Variants in PTPRZ1 observed in about 807,000 individuals in gnomAD.
The protein encoded by PTPRZ1 is protein tyrosine phosphatase receptor type Z1, also known as receptor-type tyrosine-protein phosphatase zeta.
Under a neutral mutation model 214.1 loss-of-function variants are expected in PTPRZ1, and 82 were observed. The observed-to-expected ratio is 0.38, with a 90% CI of 0.32 to 0.46. The LOEUF is 0.46. Among genes scored for constraint, PTPRZ1 ranks in the 20% least tolerant of loss-of-function variants. PTPRZ1 has a pLI of 1.00. For missense variants in PTPRZ1, 2,603 were observed against 2,748.7 expected, an observed-to-expected ratio of 0.95 and a Z score of 1.19; for synonymous variants, 945 against 987.9, an observed-to-expected ratio of 0.96 and a Z score of 0.81.
chr7:121,999,348 A>C (rs988884258), intron 10 of PTPRZ1, among the ~76,000 whole-genome samples: 2 of 152,194 alleles, frequency 1.3e-5, no homozygotes, highest in South Asian at 2.1e-4. Context: ...GTAACTGACC[A>C]TGATTTTAAC....
intron 2 of PTPRZ1, among the ~76,000 whole-genome samples, chr7:121,949,231 A>G (rs1466829056): frequency 1.3e-5 from 2 of 152,182 alleles, no homozygotes; most frequent in East Asian, 3.9e-4. Context: ...AGCCTCCCCA[A>G]AGGAGACAAT....
chr7:122,031,495 T>C lies in PTPRZ1; in HGVS notation c.5102T>C (p.Ile1701Thr), dbSNP rs141147829. Reference protein sequence around the residue: ...PISDDVGAIPIKHFPKHVADL... With the variant: ...PISDDVGAIPTKHFPKHVADL... Reference sequence around the variant, plus strand: ...GTAGATGATGTCGGAGCAATTCCAATAAAGCACTTTCCAAAGCATGTTGCA... The same window carrying C: ...GTAGATGATGTCGGAGCAATTCCAACAAAGCACTTTCCAAAGCATGTTGCA... The change falls in exon 15 of 30, where the codon ATA (isoleucine) becomes ACA (threonine). Residue 1701 changes from isoleucine to threonine, a missense_variant. By Grantham distance (89) the Ile-to-Thr change is moderately conservative. Coordinates refer to ENST00000393386, the MANE Select transcript of PTPRZ1 (RefSeq NM_002851.3). The C allele has an allele frequency of 2.5e-6, 4 of 1,611,312 alleles. No individual in the cohort carries two copies. In the African/African-American group the frequency reaches 5.3e-5, roughly 22 times the overall value.
intron 8 of PTPRZ1, among the ~76,000 whole-genome samples, chr7:121,985,588 A>G (rs906829493): frequency 6.6e-6 from 1 of 152,178 alleles, no homozygotes; most frequent in African/African-American, 2.4e-5. Flanking sequence ...TGGCTTCCCC[A>G]TTGATGGCAT....
At chr7:122,026,958 G>C in intron 13 of PTPRZ1, among the ~76,000 whole-genome samples, 1 of 152,156 alleles carries the variant, frequency 6.6e-6, no homozygotes. Flanking sequence ...TGCAATGATT[G>C]AGACAAAGTA....
chr7:121,902,785 A>G (rs902924124), intron 1 of PTPRZ1, among the ~76,000 whole-genome samples: 6 of 152,122 alleles, frequency 3.9e-5, no homozygotes, highest in Admixed American at 3.3e-4. Flanking sequence ...ATCCAGTGTC[A>G]AGAAGATAGT....
chr7:122,025,631 A>G (rs1445819127), intron 13 of PTPRZ1, among the ~76,000 whole-genome samples: 1 of 152,130 alleles, frequency 6.6e-6, no homozygotes, highest in Admixed American at 6.6e-5. Context: ...ACGCCCAGCC[A>G]AAACAGTCTT....
At chr7:122,037,580 A>G (rs1008665779) in intron 18 of PTPRZ1, among the ~76,000 whole-genome samples, 1 of 152,176 alleles carries the variant, frequency 6.6e-6, no homozygotes, top group South Asian at 2.1e-4. Flanking sequence ...TGCACCTCTC[A>G]GTCTAGCTGG....
chr7:121,979,148 CCT>C (rs769342816), intron 6 of PTPRZ1, among the ~76,000 whole-genome samples: 20 of 152,056 alleles, frequency 1.3e-4, no homozygotes, highest in African/African-American at 1.9e-4. Context: ...TTGCTCATTT[CCT>C]GTTTCCTCTC....
chr7:121,969,799 TTA>T, intron 3 of PTPRZ1, among the ~76,000 whole-genome samples: 1 of 151,746 alleles, frequency 6.6e-6, no homozygotes, highest in South Asian at 2.1e-4. Flanking sequence ...TTTATTCTTT[TTA>T]TATATATATT....
chr7:122,025,113 T>C (rs1056165892), intron 13 of PTPRZ1, among the ~76,000 whole-genome samples: 5 of 152,126 alleles, frequency 3.3e-5, no homozygotes, highest in Admixed American at 3.3e-4. Context: ...TGGCACAGTA[T>C]TAAGAGTTGG....
intron 12 of PTPRZ1, among the ~76,000 whole-genome samples, chr7:122,014,954 A>G (rs77039004): frequency 1.1e-3 from 164 of 152,326 alleles, no homozygotes; most frequent in South Asian, 5.4e-3. Flanking sequence ...CAGTATGTAT[A>G]GGTATTGTAT....
chr7:122,010,186 G>T, intron 11 of PTPRZ1, 148 bp from the exon 12 acceptor site: 1 of 721,174 alleles, frequency 1.4e-6, no homozygotes. Context: ...AAGGTTGTAG[G>T]TTAGAGGTAT....
In PTPRZ1 at chr7:122,011,266, G is replaced by C; in HGVS notation, c.2220G>C (p.Thr740=). ...PSSRQQDLVS[T]VNVVYSQTTQ... ...CCAGACAACAGGATTTGGTCTCCACGGTCAACGTGGTATACTCGCAGACAA... is the reference window on the plus strand; with the variant it reads ...CCAGACAACAGGATTTGGTCTCCACCGTCAACGTGGTATACTCGCAGACAA... The change falls in exon 12 of 30, where the codon ACG becomes ACC. Residue 740 remains threonine (T), a synonymous_variant. Coordinates refer to ENST00000393386, the MANE Select transcript of PTPRZ1 (RefSeq NM_002851.3). 1 of 1,613,832 alleles carries C rather than the reference G, an allele frequency of 6.2e-7. No homozygotes were observed. Among genetic ancestry groups the C allele is most frequent in the Middle Eastern group, 1.7e-4 (1 of 6,060 alleles).
chr7:122,009,535 A>C (rs1798585342), intron 11 of PTPRZ1, among the ~76,000 whole-genome samples: 1 of 151,404 alleles, frequency 6.6e-6, no homozygotes, highest in Admixed American at 6.6e-5. Flanking sequence ...ACCCAGTTTT[A>C]TGTATATATA....
At chr7:121,928,325 C>T in intron 2 of PTPRZ1, 104 bp downstream of exon 2, 1 of 734,236 alleles carries the variant, frequency 1.4e-6, no homozygotes, top group Non-Finnish European at 2.2e-6. Flanking sequence ...ATCATGTCAA[C>T]TTAGCTAAAT....
At chr7:121,978,989 G>A (rs1797523050) in intron 6 of PTPRZ1, among the ~76,000 whole-genome samples, 1 of 151,910 alleles carries the variant, frequency 6.6e-6, no homozygotes, top group South Asian at 2.1e-4. Flanking sequence ...TCAAAGGTGG[G>A]ACTTGTCTTT....
intron 10 of PTPRZ1, among the ~76,000 whole-genome samples, chr7:122,000,741 C>T (rs1468742590): frequency 7.4e-6 from 1 of 135,046 alleles, no homozygotes; most frequent in Non-Finnish European, 1.5e-5. Flanking sequence ...GGCTGGAATG[C>T]AGTGGTGCAA....
Position 122,028,623 on chromosome 7 carries a change from C to A in PTPRZ1, c.5060C>A (p.Thr1687Lys). 6.5e-7 allele frequency: 1 copy of A among 1,537,874 alleles called. No homozygotes were observed. The highest frequency in any genetic ancestry group is 9.0e-7 in the Non-Finnish European group (1 of 1,111,082). The stretch of plus-strand genomic sequence containing the variant: ...CCTAGAGTTATATCCACACCTCCAA[C>A]ACCTATCTTTCCAATTTCAGGTAAT... The part of the protein sequence containing the change: ...TSPRVISTPP[T>K]PIFPISDDVG... The change falls in exon 14 of 30, where the codon ACA (threonine) becomes AAA (lysine). Residue 1687 changes from threonine to lysine, a missense_variant. Transcript: ENST00000393386.
intron 8 of PTPRZ1, among the ~76,000 whole-genome samples, chr7:121,984,495 AGAGCTTGG>A: frequency 6.6e-6 from 1 of 152,300 alleles, no homozygotes; most frequent in East Asian, 1.9e-4. Flanking sequence ...TGAGGTGTTC[AGAGCTTGG>A]GAGATCATTT....
Sources: allele counts gnomAD v4.1 joint callset (sites outside exome capture counted in the v4.1 genomes callset), GRCh38; gene constraint gnomAD v4.1.1; transcripts MANE v1.5; gene names NCBI Gene and HGNC (gene_info 2026-07-23, HGNC 2026-07-21).